GRM8: variants seen among roughly 807,000 people sequenced by gnomAD.
The protein encoded by GRM8 is metabotropic glutamate receptor 8.
GRM8 carries 47 observed loss-of-function variants against 87.2 expected under a neutral mutation model. The ratio of observed to expected loss-of-function variants is 0.54; its 90% CI spans 0.43 to 0.69. The LOEUF is 0.69. GRM8 is among the 30% of genes least tolerant of loss of function. The pLI is 0.00. For synonymous variants in GRM8, 396 were observed against 404.5 expected (o/e 0.98, Z 0.25); for missense variants, 1,019 against 1,139.2 (o/e 0.89, Z 1.52).
intron 2 of GRM8, among the ~76,000 whole-genome samples, chr7:127,221,448 A>G (rs1004784408): frequency 6.6e-6 from 1 of 152,096 alleles, no homozygotes; most frequent in Non-Finnish European, 1.5e-5. Flanking sequence ...ACCTTGCCCA[A>G]GTATGCCCGG....
At chr7:126,981,473 T>TAGTG (rs1403998408) in intron 3 of GRM8, 1 of 152,198 alleles carries the variant, frequency 6.6e-6, no homozygotes, top group African/African-American at 2.4e-5. Context: ...AGTCCTAAGG[T>TAGTG]AGTGCATGGT....
At chr7:127,141,537 A>C (rs1019395736) in intron 2 of GRM8, among the ~76,000 whole-genome samples, 2 of 152,084 alleles carry the variant, frequency 1.3e-5, no homozygotes, top group Non-Finnish European at 1.5e-5. Context: ...ACTCTCACAT[A>C]TTTTCTCAGG....
chr7:127,098,494 A>C (rs1217414419), intron 3 of GRM8, among the ~76,000 whole-genome samples: 2 of 152,188 alleles, frequency 1.3e-5, no homozygotes, highest in Non-Finnish European at 2.9e-5. Context: ...AACTGTACTA[A>C]GATACATTAA....
chr7:127,040,949 A>C (rs138044098), intron 3 of GRM8, among the ~76,000 whole-genome samples: 1 of 152,370 alleles, frequency 6.6e-6, no homozygotes, highest in African/African-American at 2.4e-5. Flanking sequence ...CTGACATGTA[A>C]GTCCAATCCT....
Position 126,685,713 on chromosome 7 carries a change from A to AG in GRM8, c.1358-76216dup, listed in dbSNP as rs1246878025. 2.0e-5 allele frequency among the ~76,000 whole-genome samples: 3 copies of AG among 152,220 alleles called. No individual in the cohort carries two copies. Among genetic ancestry groups the AG allele is most frequent in the African/African-American group, 7.2e-5 (3 of 41,558 alleles). ...TGGACAAGCACAGGAGGGAGGCACA[A>AG]GGGGTGCTGAGGACAGCGGGGTACT... is the stretch of plus-strand genomic sequence containing the variant. On this transcript the variant is annotated intron_variant, in intron 7 of 10. Coordinates refer to ENST00000339582, the MANE Select transcript of GRM8 (RefSeq NM_000845.3). The surrounding 1 kb of genome is among the most constrained non-coding windows in gnomAD (Gnocchi z 4.2).
intron 6 of GRM8, among the ~76,000 whole-genome samples, chr7:126,878,350 C>T: frequency 6.6e-6 from 1 of 152,152 alleles, no homozygotes; most frequent in African/African-American, 2.4e-5. Flanking sequence ...CAGAGTCCTC[C>T]AGAAGCTCAC....
At chr7:126,956,243 T>C (rs1264707118) in intron 3 of GRM8, among the ~76,000 whole-genome samples, 1 of 152,206 alleles carries the variant, frequency 6.6e-6, no homozygotes, top group Non-Finnish European at 1.5e-5. Context: ...CCACCTTTAA[T>C]GTTTGAAGGT....
chr7:127,078,813 GTATAAT>G (rs1269570534), intron 3 of GRM8, among the ~76,000 whole-genome samples: 2 of 152,150 alleles, frequency 1.3e-5, no homozygotes, highest in African/African-American at 4.8e-5. Flanking sequence ...AGGATACGTG[GTATAAT>G]TATTTTAGAA....
At chr7:126,862,724 T>G (rs1289623336) in intron 6 of GRM8, among the ~76,000 whole-genome samples, 1 of 152,114 alleles carries the variant, frequency 6.6e-6, no homozygotes, top group Admixed American at 6.6e-5. Context: ...TCAGTTAGTC[T>G]AAGATTTCAG....
chr7:126,561,409 C>T (rs1793678579), intron 8 of GRM8, among the ~76,000 whole-genome samples: 1 of 151,618 alleles, frequency 6.6e-6, no homozygotes, highest in Non-Finnish European at 1.5e-5. Context: ...GCGGAGGTTG[C>T]AGTGAGTCAA....
intron 3 of GRM8, among the ~76,000 whole-genome samples, chr7:126,941,123 A>G (rs148157244): frequency 2.4e-4 from 36 of 152,292 alleles, no homozygotes; most frequent in South Asian, 8.3e-4. Context: ...GTCATCATAC[A>G]TGGGGACTTC....
chr7:126,749,042 G>A (rs1425923677), intron 7 of GRM8, among the ~76,000 whole-genome samples: 2 of 152,140 alleles, frequency 1.3e-5, no homozygotes, highest in Non-Finnish European at 2.9e-5. Flanking sequence ...GGGAGGCCAA[G>A]GCGGGTGGAT....
intron 8 of GRM8, among the ~76,000 whole-genome samples, chr7:126,551,517 A>C (rs1478408821): frequency 6.6e-6 from 1 of 152,152 alleles, no homozygotes; most frequent in African/African-American, 2.4e-5. Context: ...TATGAACTAG[A>C]ACATTTCCAA....
Position 126,604,004 on chromosome 7 carries a change from A to C in GRM8, c.1494+5358T>G, listed in dbSNP as rs1291345166. On this transcript the variant is annotated intron_variant, in intron 8 of 10. Coordinates refer to ENST00000339582, the MANE Select transcript of GRM8 (RefSeq NM_000845.3). ...GTAATGATTTTTGCATTAAAAAAAAACAGTTGTTTATCCAGAATAAAAACA... is the reference window on the plus strand; with the variant it reads ...GTAATGATTTTTGCATTAAAAAAAACCAGTTGTTTATCCAGAATAAAAACA... 2.0e-5 allele frequency among the ~76,000 whole-genome samples: 3 copies of C among 150,756 alleles called. No individual in the cohort carries two copies. The Admixed American group carries it at 2.0e-4, about 10-fold the overall frequency.
At chr7:127,119,670 T>C (rs1826916618) in intron 2 of GRM8, among the ~76,000 whole-genome samples, 1 of 152,192 alleles carries the variant, frequency 6.6e-6, no homozygotes, top group South Asian at 2.1e-4. Context: ...AATTCAGTAG[T>C]CTTGGTGAAA....
intron 3 of GRM8, among the ~76,000 whole-genome samples, chr7:127,044,307 G>A (rs1818722677): frequency 6.6e-6 from 1 of 152,124 alleles, no homozygotes; most frequent in African/African-American, 2.4e-5. Context: ...CCATCAGGTG[G>A]ACAGCCCACT....
At chr7:126,637,408 A>T (rs1801970278) in intron 7 of GRM8, among the ~76,000 whole-genome samples, 1 of 152,144 alleles carries the variant, frequency 6.6e-6, no homozygotes, top group Non-Finnish European at 1.5e-5. Context: ...AATGCACTTC[A>T]CATCACGAAA....
chr7:126,810,112 C>T (rs1011006525), intron 6 of GRM8, among the ~76,000 whole-genome samples: 3 of 152,072 alleles, frequency 2.0e-5, no homozygotes, highest in African/African-American at 7.2e-5. Flanking sequence ...CTTGTCCTGG[C>T]CCTCTAATAA....
At position 127,052,927 on chromosome 7, in the gene GRM8, C is replaced by T. The variant is rs949870438; in HGVS notation, c.727+53569G>A. 4.6e-5 allele frequency among the ~76,000 whole-genome samples: 7 copies of T among 152,216 alleles called. No homozygotes were observed. In the South Asian group the frequency reaches 8.3e-4, roughly 18 times the overall value. Reference sequence around the variant, plus strand: ...ACATCATAATATTGATGAACTATGCCTACAAAGGGCGACTGATTTTGACTA... The same window carrying T: ...ACATCATAATATTGATGAACTATGCTTACAAAGGGCGACTGATTTTGACTA... On this transcript the variant is annotated intron_variant, in intron 3 of 10. Coordinates refer to ENST00000339582, the MANE Select transcript of GRM8 (RefSeq NM_000845.3).
Sources: gnomAD v4.1 joint callset for allele counts (sites outside exome capture counted in the v4.1 genomes callset) on GRCh38, gnomAD v4.1.1 for gene constraint, Gnocchi (gnomAD v3.1) non-coding constraint, MANE v1.5 for transcripts, NCBI Gene and HGNC (gene_info 2026-07-23, HGNC 2026-07-21) for gene names.